CAMKV: variants seen among roughly 807,000 people sequenced by gnomAD.
CAMKV encodes the protein CaM kinase like vesicle associated, also known as caM kinase-like vesicle-associated protein.
In CAMKV, 5 loss-of-function variants were observed where a neutral mutation model predicts 50.2. The observed-to-expected ratio is 0.10, with a 90% CI of 0.05 to 0.21. The LOEUF (loss-of-function observed/expected upper bound fraction) is 0.21, where lower values mean the gene tolerates loss of function less well. CAMKV is among the 10% of genes least tolerant of loss of function. CAMKV has a pLI of 1.00. For missense variants in CAMKV, 361 were observed against 650.5 expected (o/e 0.55, Z 4.84); for synonymous variants, 229 against 250.1 (o/e 0.92, Z 0.80).
chr3:49,869,439 C>A lies in CAMKV; in HGVS notation c.-15+319G>T, dbSNP rs1408874377. Reference sequence around the variant, plus strand: ...GAGGGGCTGGAGGCGGCTCTGGGAACGGGGAGGGACGGCTCAGCTCTCGGC... The same window carrying A: ...GAGGGGCTGGAGGCGGCTCTGGGAAAGGGGAGGGACGGCTCAGCTCTCGGC... On this transcript the variant is annotated intron_variant, in intron 1 of 10. Coordinates refer to ENST00000477224, the MANE Select transcript of CAMKV (RefSeq NM_024046.5). This position sits in a 1 kb window ranked among gnomAD's most constrained non-coding sequence, Gnocchi z 5.2. Among the ~76,000 whole-genome samples the A allele has an allele frequency of 6.6e-6, 1 of 152,106 alleles. No individual in the cohort carries two copies. Among genetic ancestry groups the A allele is most frequent in the Non-Finnish European group, 1.5e-5 (1 of 68,008 alleles).
rs1322464678 is a variant in CAMKV, at chr3:49,869,342, C to G, written c.-15+416G>C. 3.3e-5 allele frequency among the ~76,000 whole-genome samples: 5 copies of G among 152,148 alleles called. No homozygotes were observed. ...GCCCAGCCCCCTCCGGGTTGTCGCC[C>G]ATAAAGAACTCTCCGTTGTCATGGA... On this transcript the variant is annotated intron_variant, in intron 1 of 10. Transcript: ENST00000477224. The surrounding 1 kb of genome is among the most constrained non-coding windows in gnomAD (Gnocchi z 5.2).
At chr3:49,863,204 G>A (rs983269242) in intron 1 of CAMKV, among the ~76,000 whole-genome samples, 4 of 152,238 alleles carry the variant, frequency 2.6e-5, no homozygotes, top group Admixed American at 6.5e-5. Context: ...AAACCCGTAA[G>A]GGGGATACAA....
At position 49,860,304 on chromosome 3, in the gene CAMKV, G is replaced by T; in HGVS notation, c.855-46C>A. ...TCTGGATCTGAGAGAATGAGCCTTT[G>T]TGGAGACTCTGCTCAGCCCTTCTAT... On this transcript the variant is annotated intron_variant, in intron 9 of 10. Coordinates refer to ENST00000477224, the MANE Select transcript of CAMKV (RefSeq NM_024046.5). The surrounding 1 kb of genome is among the most constrained non-coding windows in gnomAD (Gnocchi z 6.1). 1 of 1,585,994 alleles carries T rather than the reference G, an allele frequency of 6.3e-7. No individual in the cohort carries two copies. Among genetic ancestry groups the T allele is most frequent in the Non-Finnish European group, 8.7e-7 (1 of 1,154,506 alleles).
In CAMKV at chr3:49,859,139, C is replaced by T; in HGVS notation, c.*179G>A. On this transcript the variant is annotated 3_prime_UTR_variant, in exon 11 of 11. Coordinates refer to ENST00000477224, the MANE Select transcript of CAMKV (RefSeq NM_024046.5). This position sits in a 1 kb window ranked among gnomAD's most constrained non-coding sequence, Gnocchi z 5.5. ...CTGCCACTGGCCTGCCCACCACTCACACACATACACACAGGAGACGAGACT... is the reference window on the plus strand; with the variant it reads ...CTGCCACTGGCCTGCCCACCACTCATACACATACACACAGGAGACGAGACT... 1 of 539,598 alleles carries T rather than the reference C, an allele frequency of 1.9e-6. No homozygotes were observed. The highest frequency in any genetic ancestry group is 3.0e-5 in the East Asian group (1 of 33,590). The allele number at this position is 539,598 out of a possible 1,614,324, so 33.4% of individuals were successfully genotyped here.
rs1042043836 is a variant in CAMKV at position 49,860,664 on chromosome 3, A to G, written c.775+52T>C. The stretch of plus-strand genomic sequence containing the variant: ...CCACAGAGGAAGATGAGAGCAGGAC[A>G]CCCTCCCCACTCCCTTGCGTTCTAC... On this transcript the variant is annotated intron_variant, in intron 8 of 10. Coordinates refer to ENST00000477224, the MANE Select transcript of CAMKV (RefSeq NM_024046.5). The surrounding 1 kb of genome is among the most constrained non-coding windows in gnomAD (Gnocchi z 6.1). 3.7e-6 allele frequency: 6 copies of G among 1,611,682 alleles called. No individual in the cohort carries two copies. The highest frequency in any genetic ancestry group is 5.1e-6 in the Non-Finnish European group (6 of 1,178,540).
rs745441932 is a variant in CAMKV, at chr3:49,859,537, G to A, written c.1287C>T (p.Ala429=). The part of the protein sequence containing the change: ...TPATDRSATP[A]TDGRATPATE... ...TGGCTGGTGTGGCTCTCCCATCAGT[G>A]GCTGGAGTAGCGCTCCTGTCAGTGG... is the stretch of plus-strand genomic sequence containing the variant. Residue 429 remains alanine (A), a synonymous_variant, in exon 11 of 11, where the codon GCC becomes GCT. Transcript: ENST00000477224. This position sits in a 1 kb window ranked among gnomAD's most constrained non-coding sequence, Gnocchi z 5.5. The A allele has an allele frequency of 1.1e-5, 18 of 1,614,026 alleles. No individual in the cohort carries two copies. Among genetic ancestry groups the A allele is most frequent in the Non-Finnish European group, 1.4e-5 (16 of 1,180,006 alleles).
intron 1 of CAMKV, among the ~76,000 whole-genome samples, chr3:49,868,303 G>A (rs2082080439): frequency 6.6e-6 from 1 of 152,014 alleles, no homozygotes. Flanking sequence ...CCAGGCTTTG[G>A]GTCCCCAGAG....
At chr3:49,863,207 G>T (rs1349059491) in intron 1 of CAMKV, among the ~76,000 whole-genome samples, 1 of 152,134 alleles carries the variant, frequency 6.6e-6, no homozygotes, top group East Asian at 1.9e-4. Context: ...CCCGTAAGGG[G>T]GATACAAACA....
At position 49,862,034 on chromosome 3, in the gene CAMKV, C is replaced by G. The variant is rs748752311; in HGVS notation, c.227+11G>C. On this transcript the variant is annotated intron_variant, in intron 3 of 10. Transcript: ENST00000477224. This position sits in a 1 kb window ranked among gnomAD's most constrained non-coding sequence, Gnocchi z 5.2. ...CTCCCACCCCGCCCCAATCCCAGGCCTCAAACTCACATCTTGAGGATGCCT... is the reference window on the plus strand; with the variant it reads ...CTCCCACCCCGCCCCAATCCCAGGCGTCAAACTCACATCTTGAGGATGCCT... The G allele has an allele frequency of 4.3e-5, 69 of 1,614,150 alleles. No homozygotes were observed. Among genetic ancestry groups the G allele is most frequent in the Non-Finnish European group, 5.6e-5 (66 of 1,180,016 alleles).
rs1559458917 is a variant in CAMKV, at chr3:49,869,042, C to G, written c.-15+716G>C. ...TCCCAGCCACCTCCAGCCAGGGGCC[C>G]TGCTCCCCACCGTGCTGCCACCCTG... On this transcript the variant is annotated intron_variant, in intron 1 of 10. Transcript: ENST00000477224. This position sits in a 1 kb window ranked among gnomAD's most constrained non-coding sequence, Gnocchi z 5.2. Among the ~76,000 whole-genome samples the G allele has an allele frequency of 6.6e-6, 1 of 152,244 alleles. No individual in the cohort carries two copies. Among genetic ancestry groups the G allele is most frequent in the East Asian group, 1.9e-4 (1 of 5,194 alleles).
In CAMKV at chr3:49,861,985, G is replaced by A; in HGVS notation, c.227+60C>T. On this transcript the variant is annotated intron_variant, in intron 3 of 10. Transcript: ENST00000477224. The surrounding 1 kb of genome is among the most constrained non-coding windows in gnomAD (Gnocchi z 7.7). ...AGGCTGGGACTGCCTGAGGCCACTT[G>A]CCCTCTAAGCCCTTCCCTGCTGCCT... The A allele has an allele frequency of 3.7e-6, 6 of 1,610,950 alleles. No individual in the cohort carries two copies. Among genetic ancestry groups the A allele is most frequent in the Middle Eastern group, 1.7e-4 (1 of 6,052 alleles).
Position 49,859,386 on chromosome 3 carries a change from G to A in CAMKV, c.1438C>T (p.Pro480Ser), listed in dbSNP as rs1208427176. The A allele has an allele frequency of 1.3e-6, 2 of 1,586,166 alleles. No homozygotes were observed. The highest frequency in any genetic ancestry group is 2.7e-5 in the African/African-American group (2 of 74,450). Residue 480 changes from proline to serine, a missense_variant, in exon 11 of 11, where the codon CCA (proline) becomes TCA (serine). Physicochemically the swap from Pro to Ser is moderately conservative, Grantham distance 74 (BLOSUM62 -1). This residue lies in a region of CAMKV where 75 missense variants were observed against 84.2 expected (regional missense o/e 0.89). Transcript: ENST00000477224. The surrounding 1 kb of genome is among the most constrained non-coding windows in gnomAD (Gnocchi z 5.5). ...TAPEGATGQA[P>S]PSSKGEEAAG... The stretch of plus-strand genomic sequence containing the variant: ...GCCTCTTCCCCTTTACTAGAGGGTG[G>A]AGCCTGGCCTGTGGCGCCCTCTGGG...
chr3:49,862,227 C>T lies in CAMKV; in HGVS notation c.96-51G>A. 6.2e-7 allele frequency: 1 copy of T among 1,614,112 alleles called. No homozygotes were observed. The highest frequency in any genetic ancestry group is 8.5e-7 in the Non-Finnish European group (1 of 1,180,006). ...GCCTGGCCTTAGCATCAGCTGCACTCCACTGCCACTTCCCTAGCCCCTGCT... is the reference window on the plus strand; with the variant it reads ...GCCTGGCCTTAGCATCAGCTGCACTTCACTGCCACTTCCCTAGCCCCTGCT... On this transcript the variant is annotated intron_variant, in intron 2 of 10. Coordinates refer to ENST00000477224, the MANE Select transcript of CAMKV (RefSeq NM_024046.5). The surrounding 1 kb of genome is among the most constrained non-coding windows in gnomAD (Gnocchi z 5.2).
chr3:49,867,895 C>T (rs1465277639), intron 1 of CAMKV, among the ~76,000 whole-genome samples: 1 of 152,164 alleles, frequency 6.6e-6, no homozygotes, highest in Non-Finnish European at 1.5e-5. Flanking sequence ...GGATGGGTGC[C>T]CAGCAGAGCC....
rs2081993267 is a variant in CAMKV at position 49,858,306 on chromosome 3, C to T, written c.*1012G>A. The T allele has an allele frequency of 2.5e-6, 1 of 398,678 alleles. No individual in the cohort carries two copies. The highest frequency in any genetic ancestry group is 4.4e-5 in the Admixed American group (1 of 22,744). 24.7% of individuals were successfully genotyped at this position (398,678 alleles called of 1,614,324 possible). A position where few individuals can be genotyped will look rare whatever the true frequency, so the allele number is the denominator to read the frequency against. On this transcript the variant is annotated 3_prime_UTR_variant, in exon 11 of 11. Transcript: ENST00000477224. ...GCTGTAGAAAGAGGGAGTTCCTCTT[C>T]ATTTCATTGTTGAACTGAGCAGAAA...
At chr3:49,867,921 C>T (rs1247175364) in intron 1 of CAMKV, among the ~76,000 whole-genome samples, 1 of 152,156 alleles carries the variant, frequency 6.6e-6, no homozygotes, top group Non-Finnish European at 1.5e-5. Context: ...GCCTCCATGG[C>T]GATGTGCTCT....
At position 49,859,202 on chromosome 3, in the gene CAMKV, TG is replaced by T; in HGVS notation, c.*115del. The T allele has an allele frequency of 2.1e-6, 2 of 933,842 alleles. No individual in the cohort carries two copies. Among genetic ancestry groups the T allele is most frequent in the South Asian group, 1.7e-5 (1 of 58,898 alleles). 57.8% of individuals were successfully genotyped at this position (933,842 alleles called of 1,614,324 possible). A position where few individuals can be genotyped will look rare whatever the true frequency, so the allele number is the denominator to read the frequency against. On this transcript the variant is annotated 3_prime_UTR_variant, in exon 11 of 11. Transcript: ENST00000477224. This position sits in a 1 kb window ranked among gnomAD's most constrained non-coding sequence, Gnocchi z 5.5. Reference sequence around the variant, plus strand: ...CCCCTAGTTATGCCCCACTGGGATGTGGGGGCATGGGGGAGCGAGGGCATCA... The same window carrying T: ...CCCCTAGTTATGCCCCACTGGGATGTGGGGCATGGGGGAGCGAGGGCATCA...
At position 49,860,521 on chromosome 3, in the gene CAMKV, C is replaced by T. The variant is rs1408062725; in HGVS notation, c.804G>A (p.Glu268=). Residue 268 remains glutamate (E), a synonymous_variant, in exon 9 of 11, where the codon GAG becomes GAA. Coordinates refer to ENST00000477224, the MANE Select transcript of CAMKV (RefSeq NM_024046.5). This position sits in a 1 kb window ranked among gnomAD's most constrained non-coding sequence, Gnocchi z 6.1. ...AAKDLVTRLM[E]VEQDQRITAE... is the part of the protein sequence containing the mutation. Reference sequence around the variant, plus strand: ...CAGTGATCCGCTGGTCTTGCTCCACCTCCATCAGCCTTGTGACCAGGTCTT... The same window carrying T: ...CAGTGATCCGCTGGTCTTGCTCCACTTCCATCAGCCTTGTGACCAGGTCTT... 3.1e-6 allele frequency: 5 copies of T among 1,613,558 alleles called. No individual in the cohort carries two copies. The highest frequency in any genetic ancestry group is 1.7e-5 in the Admixed American group (1 of 59,948).
rs1306725199 is a variant in CAMKV, at chr3:49,859,902, A to G, written c.943-21T>C. On this transcript the variant is annotated intron_variant, in intron 10 of 10. Transcript: ENST00000477224. This position sits in a 1 kb window ranked among gnomAD's most constrained non-coding sequence, Gnocchi z 5.5. The stretch of plus-strand genomic sequence containing the variant: ...GCCTTCTGAAAGGAGCACAGTGGAG[A>G]AAGGCTAAGGGTGAGGCTTGCTGGA... 2 of 1,507,194 alleles carry G rather than the reference A, an allele frequency of 1.3e-6. No individual in the cohort carries two copies. The highest frequency in any genetic ancestry group is 2.8e-5 in the African/African-American group (2 of 71,758). 93.4% of individuals were successfully genotyped at this position (1,507,194 alleles called of 1,614,324 possible).
Sources: allele counts gnomAD v4.1 joint callset (sites outside exome capture counted in the v4.1 genomes callset), GRCh38; gene constraint gnomAD v4.1.1; regional missense constraint gnomAD v4.1.1; non-coding constraint Gnocchi (gnomAD v3.1); transcripts MANE v1.5; gene names NCBI Gene and HGNC (gene_info 2026-07-23, HGNC 2026-07-21).